The following PLCL2 variants were observed in gnomAD, a reference collection of about 807,000 sequenced individuals.
The protein encoded by PLCL2 is inactive phospholipase C-like protein 2.
PLCL2 carries 4 observed loss-of-function variants against 79.6 expected under a neutral mutation model. That is an observed-to-expected ratio of 0.05 (90% CI 0.02 to 0.11). The LOEUF is 0.11. PLCL2 is among the 10% of genes least tolerant of loss of function. The probability of loss-of-function intolerance (pLI) is 1.00; values close to 1 mark genes in which losing one functional copy is unlikely to be tolerated. For missense variants in PLCL2, 895 were observed against 1,291.0 expected (o/e 0.69, Z 4.70); for synonymous variants, 484 against 457.7 (o/e 1.06, Z -0.73).
chr3:17,051,256 G>A (rs1057472388), intron 4 of PLCL2, among the ~76,000 whole-genome samples: 2 of 152,054 alleles, frequency 1.3e-5, no homozygotes, highest in Non-Finnish European at 2.9e-5. Flanking sequence ...CAACAGGGGT[G>A]CTGTAGTCAT....
chr3:17,042,739 G>A (rs941564087), intron 3 of PLCL2, 135 bp from the exon 4 acceptor site: 2 of 645,964 alleles, frequency 3.1e-6, no homozygotes, highest in African/African-American at 3.7e-5. Context: ...ATTTGAAGTT[G>A]AGTAGTGGAA....
intron 1 of PLCL2, among the ~76,000 whole-genome samples, chr3:16,984,068 A>G (rs1305589297): frequency 6.6e-6 from 1 of 152,230 alleles, no homozygotes; most frequent in Non-Finnish European, 1.5e-5. Context: ...TGGTTCTGCC[A>G]GAAGCTATGT....
intron 4 of PLCL2, among the ~76,000 whole-genome samples, chr3:17,049,655 A>G (rs2064818441): frequency 1.3e-5 from 2 of 152,198 alleles, no homozygotes; most frequent in African/African-American, 4.8e-5. Context: ...AAACTATAAA[A>G]CACTAATGAA....
intron 5 of PLCL2, among the ~76,000 whole-genome samples, chr3:17,080,458 C>CT (rs1036660053): frequency 2.6e-5 from 4 of 151,464 alleles, no homozygotes; most frequent in Admixed American, 6.6e-5. Flanking sequence ...ATTCATTCTT[C>CT]TTTTTTTTTC....
intron 1 of PLCL2, among the ~76,000 whole-genome samples, chr3:16,941,777 C>T (rs185560872): frequency 1.3e-5 from 2 of 151,790 alleles, no homozygotes; most frequent in African/African-American, 2.4e-5. Context: ...TAAATAAAAC[C>T]GAACAGAATA....
intron 1 of PLCL2, among the ~76,000 whole-genome samples, chr3:16,964,206 T>C (rs891775131): frequency 7.7e-6 from 1 of 130,146 alleles, no homozygotes; most frequent in South Asian, 2.9e-4. Context: ...CAGTGTCATG[T>C]TCCCCTTCCT....
intron 4 of PLCL2, among the ~76,000 whole-genome samples, chr3:17,057,863 A>G (rs931353533): frequency 6.6e-6 from 1 of 152,242 alleles, no homozygotes; most frequent in Non-Finnish European, 1.5e-5. Context: ...AATTGAATAC[A>G]GAATGCCGCA....
At chr3:16,989,968 A>T (rs2064087378) in intron 1 of PLCL2, among the ~76,000 whole-genome samples, 1 of 152,222 alleles carries the variant, frequency 6.6e-6, no homozygotes, top group East Asian at 1.9e-4. Flanking sequence ...GGCCATTCTC[A>T]TCTAATAATG....
chr3:16,962,795 A>T (rs1172832407), intron 1 of PLCL2, among the ~76,000 whole-genome samples: 1 of 152,176 alleles, frequency 6.6e-6, no homozygotes, highest in Admixed American at 6.5e-5. Flanking sequence ...AAGTATTGAA[A>T]TCTCCTTCTT....
At chr3:17,068,243 T>A (rs1197373473) in intron 5 of PLCL2, among the ~76,000 whole-genome samples, 178 bp downstream of exon 5, 1 of 152,228 alleles carries the variant, frequency 6.6e-6, no homozygotes, top group African/African-American at 2.4e-5. Context: ...CAGTTTGACA[T>A]TGTAGATCAG....
At chr3:16,964,968 G>A (rs2063791931) in intron 1 of PLCL2, among the ~76,000 whole-genome samples, 3 of 152,018 alleles carry the variant, frequency 2.0e-5, no homozygotes, top group African/African-American at 7.2e-5. Context: ...CATTCTGTAG[G>A]TTGCCTGTTC....
In PLCL2 at chr3:17,029,365, A is replaced by G. The variant is rs1252346010; in HGVS notation, c.3019-13509A>G. Among the ~76,000 whole-genome samples, 7 of 139,692 alleles carry G rather than the reference A, an allele frequency of 5.0e-5. No homozygotes were observed. The East Asian group carries it at 1.4e-3, about 29-fold the overall frequency. 91.6% of individuals were successfully genotyped at this position (139,692 alleles called of 152,430 possible). ...CTTAAAAAAAAGAAAGAAAGAAAGA[A>G]AAAAAAAAACAACTGTATAGAAGAG... On this transcript the variant is annotated intron_variant, in intron 3 of 5. Transcript: ENST00000615277.
Position 17,068,058 on chromosome 3 carries a change from T to A in PLCL2, c.3197T>A (p.Ile1066Asn). The change falls in exon 5 of 6, where the codon ATC (isoleucine) becomes AAC (asparagine). Residue 1066 changes from isoleucine (I) to asparagine (N), a missense_variant. Coordinates refer to ENST00000615277, the MANE Select transcript of PLCL2 (RefSeq NM_001144382.2). ...GAGAGCTTTACCTGGAATATTACCA[T>A]CTTAAAGGTATCTATAGAGTTGTTT... ...AVESFTWNIT[I>N]LKGQADLLKY... 6.4e-7 allele frequency: 1 copy of A among 1,569,832 alleles called. No individual in the cohort carries two copies. Among genetic ancestry groups the A allele is most frequent in the Admixed American group, 1.7e-5 (1 of 59,626 alleles).
Position 16,963,049 on chromosome 3 carries a change from A to G in PLCL2, c.328-46625A>G, listed in dbSNP as rs562611979. On this transcript the variant is annotated intron_variant, in intron 1 of 5. Transcript: ENST00000615277. ...ATGTAGCTAAGATATTTTTTCAACCATGAAAAGCAGTAAGGAATAGTTTGG... is the reference window on the plus strand; with the variant it reads ...ATGTAGCTAAGATATTTTTTCAACCGTGAAAAGCAGTAAGGAATAGTTTGG... Among the ~76,000 whole-genome samples, 48 of 152,252 alleles carry G rather than the reference A, an allele frequency of 3.2e-4. No individual in the cohort carries two copies. The South Asian group carries it at 9.9e-3, about 32-fold the overall frequency.
intron 1 of PLCL2, among the ~76,000 whole-genome samples, chr3:16,976,483 G>T (rs528953715): frequency 6.6e-6 from 1 of 152,192 alleles, no homozygotes; most frequent in Non-Finnish European, 1.5e-5. Flanking sequence ...ATTTGATGAG[G>T]TCCCATCCAC....
chr3:17,025,249 GCAAGATCC>G (rs2064503920), intron 3 of PLCL2, among the ~76,000 whole-genome samples: 1 of 152,144 alleles, frequency 6.6e-6, no homozygotes, highest in African/African-American at 2.4e-5. Context: ...CTCTATAAAT[GCAAGATCC>G]ATTCTTCAGG....
intron 1 of PLCL2, among the ~76,000 whole-genome samples, chr3:16,961,188 G>T (rs1002641135): frequency 2.0e-5 from 3 of 152,228 alleles, no homozygotes; most frequent in African/African-American, 7.2e-5. Context: ...TATACTCGTG[G>T]TATTTAGTGT....
At chr3:16,962,900 A>C (rs955493113) in intron 1 of PLCL2, among the ~76,000 whole-genome samples, 1 of 152,172 alleles carries the variant, frequency 6.6e-6, no homozygotes, top group African/African-American at 2.4e-5. Flanking sequence ...ACACATATGA[A>C]TACATAAACA....
At chr3:16,917,130 C>T (rs1393331869) in intron 1 of PLCL2, among the ~76,000 whole-genome samples, 2 of 152,180 alleles carry the variant, frequency 1.3e-5, no homozygotes, top group Admixed American at 1.3e-4. Flanking sequence ...ACATAGGACA[C>T]GGTCCCATTT....
Sources: allele counts gnomAD v4.1 joint callset (sites outside exome capture counted in the v4.1 genomes callset), GRCh38; gene constraint gnomAD v4.1.1; transcripts MANE v1.5; gene names NCBI Gene and HGNC (gene_info 2026-07-23, HGNC 2026-07-21).